TNRC18: variants seen among roughly 807,000 people sequenced by gnomAD.
TNRC18 encodes the protein trinucleotide repeat containing 18, also known as trinucleotide repeat-containing gene 18 protein.
TNRC18 carries 69 observed loss-of-function variants against 226.7 expected under a neutral mutation model. That is an observed-to-expected ratio of 0.30 (90% confidence interval 0.25 to 0.37). The LOEUF (loss-of-function observed/expected upper bound fraction) is 0.37, where lower values mean the gene tolerates loss of function less well. TNRC18 is among the 10% of genes least tolerant of loss of function. The pLI is 1.00. For synonymous variants in TNRC18, 2,449 were observed against 1,927.6 expected (o/e 1.27, Z -7.09); for missense variants, 4,754 against 4,256.6 (o/e 1.12, Z -3.25).
chr7:5,368,524 C>T (rs1286010171), intron 11 of TNRC18, among the ~76,000 whole-genome samples: 1 of 151,702 alleles, frequency 6.6e-6, no homozygotes, highest in Non-Finnish European at 1.5e-5. Flanking sequence ...GATAGCCAGG[C>T]ATGGTGGTGC....
chr7:5,351,814 G>C lies in TNRC18; in HGVS notation c.5470+5C>G. On this transcript the variant is annotated splice_donor_5th_base_variant and intron_variant, in intron 17 of 29. Coordinates refer to ENST00000430969, the MANE Select transcript of TNRC18 (RefSeq NM_001080495.3). Reference sequence around the variant, plus strand: ...GGAAGGTATTTTGTGTTTGGAGCTAGTAACCTTGGTCAAACGATTCCTCCG... The same window carrying C: ...GGAAGGTATTTTGTGTTTGGAGCTACTAACCTTGGTCAAACGATTCCTCCG... 1.3e-6 allele frequency: 2 copies of C among 1,576,856 alleles called. No homozygotes were observed. The highest frequency in any genetic ancestry group is 1.7e-6 in the Non-Finnish European group (2 of 1,162,358).
intron 5 of TNRC18, among the ~76,000 whole-genome samples, chr7:5,378,883 C>G (rs1779194027): frequency 6.8e-6 from 1 of 147,378 alleles, no homozygotes; most frequent in East Asian, 2.0e-4. Flanking sequence ...TGTCCCAAGA[C>G]AGTTTAAATA....
At chr7:5,400,541 G>A (rs1244880829) in intron 2 of TNRC18, among the ~76,000 whole-genome samples, 2 of 152,106 alleles carry the variant, frequency 1.3e-5, no homozygotes, top group Admixed American at 1.3e-4. Context: ...GAACCTAGGA[G>A]GTGGAAGGTG....
intron 5 of TNRC18, among the ~76,000 whole-genome samples, chr7:5,379,702 A>G (rs1779263767): frequency 6.6e-6 from 1 of 152,220 alleles, no homozygotes. Flanking sequence ...GACACACCGG[A>G]CAGGTGAAGG....
At chr7:5,314,912 T>C in intron 26 of TNRC18, 72 bp downstream of exon 26, 1 of 1,477,694 alleles carries the variant, frequency 6.8e-7, no homozygotes, top group Non-Finnish European at 9.1e-7. Flanking sequence ...TTCGGCAGGT[T>C]CCCAAGCCCT....
At chr7:5,378,155 G>A in intron 5 of TNRC18, 131 bp from the exon 6 acceptor site, 1 of 647,782 alleles carries the variant, frequency 1.5e-6, no homozygotes, top group Non-Finnish European at 2.6e-6. Context: ...TCCGTGTAGT[G>A]CCTTCACCCC....
At chr7:5,340,812 G>C (rs1790615020) in intron 18 of TNRC18, among the ~76,000 whole-genome samples, 1 of 152,126 alleles carries the variant, frequency 6.6e-6, no homozygotes, top group African/African-American at 2.4e-5. Flanking sequence ...TAAGCAGCCG[G>C]TGTTGATGGA....
chr7:5,341,418 CAAAAA>C (rs35407523), intron 18 of TNRC18, among the ~76,000 whole-genome samples: 1 of 85,090 alleles, frequency 1.2e-5, no homozygotes. Flanking sequence ...GACTCCATCT[CAAAAA>C]AAAAAAAAAA....
chr7:5,389,461 G>GTTTTTTTCTTTTT (rs1554297477), intron 4 of TNRC18, 125 bp from the exon 5 acceptor site: 8 of 564,670 alleles, frequency 1.4e-5, no homozygotes, highest in Non-Finnish European at 1.8e-5. Context: ...TTTGGTTTTG[G>GTTTTTTTCTTTTT]TTTTTTTTTT....
rs865820829 is a variant in TNRC18 at position 5,307,864 on chromosome 7, G to C, written c.*242C>G. On this transcript the variant is annotated 3_prime_UTR_variant, in exon 30 of 30. Coordinates refer to ENST00000430969, the MANE Select transcript of TNRC18 (RefSeq NM_001080495.3). The stretch of plus-strand genomic sequence containing the variant: ...TCCGGCCATACCCTGATAGCTAAGA[G>C]GGGCCCCTGTCCTGGGGGCACTGAG... 3 of 562,554 alleles carry C rather than the reference G, an allele frequency of 5.3e-6. No homozygotes were observed. The highest frequency in any genetic ancestry group is 1.9e-5 in the African/African-American group (1 of 53,000). The allele number at this position is 562,554 out of a possible 1,614,324, so 34.8% of individuals were successfully genotyped here.
At position 5,376,891 on chromosome 7, in the gene TNRC18, G is replaced by A. The variant is rs370482141; in HGVS notation, c.2564C>T (p.Ser855Leu). 90 of 1,610,876 alleles carry A rather than the reference G, an allele frequency of 5.6e-5. No homozygotes were observed. The highest frequency in any genetic ancestry group is 3.1e-4 in the South Asian group (28 of 90,384). The change falls in exon 8 of 30, where the codon TCG (serine) becomes TTG (leucine). Residue 855 changes from serine to leucine, a missense_variant. Coordinates refer to ENST00000430969, the MANE Select transcript of TNRC18 (RefSeq NM_001080495.3). The part of the protein sequence containing the change: ...SAYQFVRDPQ[S>L]GQLVVIPSDH... ...ACTGGGAATGACCACCAGCTGGCCC[G>A]ATTGGGGGTCCCTGACAAACTGGTA...
chr7:5,376,081 G>T lies in TNRC18; in HGVS notation c.2752C>A (p.Gln918Lys). The stretch of plus-strand genomic sequence containing the variant: ...AGTTCCAAGGCCTGGGCCGCCTGCT[G>T]CTGCAGGTACAGGAACTCCTGCTGC... ...LRQQEFLYLQQQAAQALELQR... is the reference protein window; with the variant it reads ...LRQQEFLYLQKQAAQALELQR... The change falls in exon 9 of 30, where the codon CAG becomes AAG. Residue 918 changes from glutamine (Q) to lysine (K), a missense_variant. Physicochemically the swap from Gln to Lys is moderately conservative, Grantham distance 53. Transcript: ENST00000430969. 1 of 1,596,326 alleles carries T rather than the reference G, an allele frequency of 6.3e-7. No homozygotes were observed. Among genetic ancestry groups the T allele is most frequent in the Non-Finnish European group, 8.5e-7 (1 of 1,172,770 alleles).
Position 5,321,633 on chromosome 7 carries a change from C to A in TNRC18, c.6443-443G>T, listed in dbSNP as rs549100244. On this transcript the variant is annotated intron_variant, in intron 21 of 29. Transcript: ENST00000430969. ...CTTACTGCTGCCCACAGCCAAACTTCTAGGACTTTATTTATTTATTTATTT... is the reference window on the plus strand; with the variant it reads ...CTTACTGCTGCCCACAGCCAAACTTATAGGACTTTATTTATTTATTTATTT... 2.1e-3 allele frequency among the ~76,000 whole-genome samples: 313 copies of A among 149,492 alleles called. 2 individuals carry two copies. The highest frequency in any genetic ancestry group is 7.1e-3 in the African/African-American group (287 of 40,300).
At position 5,377,252 on chromosome 7, in the gene TNRC18, G is replaced by C; in HGVS notation, c.2461+119C>G. On this transcript the variant is annotated intron_variant, in intron 7 of 29. Transcript: ENST00000430969. This position sits in a 1 kb window ranked among gnomAD's most constrained non-coding sequence, Gnocchi z 5.8. ...ATTCCTTCTTCCGACGAATGCGGGA[G>C]GCAGGCCCAGGCCCCCCAGGAAACG... The C allele has an allele frequency of 8.4e-7, 1 of 1,192,202 alleles. No individual in the cohort carries two copies. Among genetic ancestry groups the C allele is most frequent in the East Asian group, 2.6e-5 (1 of 38,774 alleles). The allele number at this position is 1,192,202 out of a possible 1,614,324, so 73.9% of individuals were successfully genotyped here. A position where few individuals can be genotyped will look rare whatever the true frequency, so the allele number is the denominator to read the frequency against.
At chr7:5,412,450 T>C (rs1376720426) in intron 2 of TNRC18, among the ~76,000 whole-genome samples, 1 of 151,640 alleles carries the variant, frequency 6.6e-6, no homozygotes, top group Non-Finnish European at 1.5e-5. Context: ...GTGGCAGGCG[T>C]GTGTAATCTC....
chr7:5,356,805 C>G (rs898127964), intron 16 of TNRC18, 111 bp downstream of exon 16: 5 of 1,373,486 alleles, frequency 3.6e-6, no homozygotes, highest in African/African-American at 3.2e-5. Flanking sequence ...AGAGAGAGAG[C>G]GAGAGCGAGA....
chr7:5,398,960 A>G (rs1780892701), intron 2 of TNRC18, among the ~76,000 whole-genome samples: 1 of 152,172 alleles, frequency 6.6e-6, no homozygotes, highest in South Asian at 2.1e-4. Flanking sequence ...GGCCAACGCA[A>G]AGAGATACAC....
chr7:5,407,248 C>G (rs979781128), intron 2 of TNRC18: 1 of 152,386 alleles, frequency 6.6e-6, no homozygotes, highest in Admixed American at 6.5e-5. Context: ...GGTGAGAGTC[C>G]GAGGCTGCAG....
chr7:5,408,869 C>T (rs578050281), intron 2 of TNRC18, among the ~76,000 whole-genome samples: 10 of 152,114 alleles, frequency 6.6e-5, no homozygotes, highest in Non-Finnish European at 1.3e-4. Flanking sequence ...AAGCACTGAC[C>T]CCTCTGTTTA....
Sources: allele counts gnomAD v4.1 joint callset (sites outside exome capture counted in the v4.1 genomes callset), GRCh38; gene constraint gnomAD v4.1.1; non-coding constraint Gnocchi (gnomAD v3.1); transcripts MANE v1.5; gene names NCBI Gene and HGNC (gene_info 2026-07-23, HGNC 2026-07-21).